MYO1E: variants seen among roughly 807,000 people sequenced by gnomAD.
The protein encoded by MYO1E is unconventional myosin-Ie.
MYO1E carries 68 observed loss-of-function variants against 151.1 expected under a neutral mutation model. The observed-to-expected ratio is 0.45, with a 90% CI of 0.37 to 0.55. The LOEUF (loss-of-function observed/expected upper bound fraction) is 0.55. Among genes scored for constraint, MYO1E ranks in the 20% least tolerant of loss-of-function variants. MYO1E has a pLI of 0.00. For missense variants in MYO1E, 1,363 were observed against 1,389.3 expected (o/e 0.98, Z 0.30); for synonymous variants, 601 against 501.7 (o/e 1.20, Z -2.64).
At chr15:59,299,487 T>C (rs1428279213) in intron 1 of MYO1E, among the ~76,000 whole-genome samples, 2 of 152,226 alleles carry the variant, frequency 1.3e-5, no homozygotes, top group Admixed American at 6.5e-5. Flanking sequence ...TGTTAGGCCT[T>C]GGGGATAGGA....
At chr15:59,263,603 G>A (rs2080236720) in intron 2 of MYO1E, among the ~76,000 whole-genome samples, 2 of 152,156 alleles carry the variant, frequency 1.3e-5, no homozygotes, top group Non-Finnish European at 1.5e-5. Context: ...AGGTAAGCAT[G>A]CAGAATGACA....
At chr15:59,228,653 T>G (rs2080006720) in intron 6 of MYO1E, among the ~76,000 whole-genome samples, 2 of 150,140 alleles carry the variant, frequency 1.3e-5, no homozygotes, top group Non-Finnish European at 3.0e-5. Flanking sequence ...AAAGAGGGAG[T>G]GGTGTGGTCT....
chr15:59,203,526 C>T (rs1466268870), intron 15 of MYO1E, among the ~76,000 whole-genome samples: 5 of 152,016 alleles, frequency 3.3e-5, no homozygotes, highest in South Asian at 2.1e-4. Context: ...ACTACAAGTG[C>T]GTGCCACCAC....
rs781255844 is a variant in MYO1E at position 59,188,236 on chromosome 15, G to A, written c.1806-20C>T. 1.9e-6 allele frequency: 3 copies of A among 1,586,862 alleles called. No individual in the cohort carries two copies. The highest frequency in any genetic ancestry group is 1.3e-5 in the African/African-American group (1 of 74,310). On this transcript the variant is annotated intron_variant, in intron 17 of 27. Coordinates refer to ENST00000288235, the MANE Select transcript of MYO1E (RefSeq NM_004998.4). The stretch of plus-strand genomic sequence containing the variant: ...TTTACCCTGTGCAAAGGAGAAAATG[G>A]GGCCTGGACATTACTGGATAATCCT...
rs370001612 is a variant in MYO1E, at chr15:59,261,775, G to C, written c.148-266C>G. Among the ~76,000 whole-genome samples, 11 of 152,112 alleles carry C rather than the reference G, an allele frequency of 7.2e-5. No homozygotes were observed. The East Asian group carries it at 1.3e-3, about 19-fold the overall frequency. Reference sequence around the variant, plus strand: ...AACTAAAGCACATTCTTTCAAGATGGGTGACACGTACAGCAAGGAGAAAAG... The same window carrying C: ...AACTAAAGCACATTCTTTCAAGATGCGTGACACGTACAGCAAGGAGAAAAG... On this transcript the variant is annotated intron_variant, in intron 2 of 27. Transcript: ENST00000288235.
rs1432226145 is a variant in MYO1E, at chr15:59,227,596, A to G, written c.511-6T>C. On this transcript the variant is annotated splice_polypyrimidine_tract_variant and splice_region_variant and intron_variant, in intron 6 of 27. Transcript: ENST00000288235. ...TGGATTTCAAAGTATTTTCCCTGCA[A>G]GAAAGTTAGGGATTTCCTTCAATGG... 8.1e-6 allele frequency: 13 copies of G among 1,614,034 alleles called. No individual in the cohort carries two copies. Among genetic ancestry groups the G allele is most frequent in the African/African-American group, 1.3e-5 (1 of 74,938 alleles).
chr15:59,225,121 C>T (rs2079981611), intron 7 of MYO1E, among the ~76,000 whole-genome samples: 1 of 152,200 alleles, frequency 6.6e-6, no homozygotes, highest in Admixed American at 6.5e-5. Context: ...TAGTTCCTGC[C>T]CAACTTGCTA....
intron 4 of MYO1E, among the ~76,000 whole-genome samples, chr15:59,239,829 C>A (rs1167834779): frequency 6.6e-6 from 1 of 152,098 alleles, no homozygotes; most frequent in Non-Finnish European, 1.5e-5. Context: ...GTGAGTTGGT[C>A]AAAATATGGT....
chr15:59,298,705 C>T (rs977839972), intron 1 of MYO1E, among the ~76,000 whole-genome samples: 1 of 152,144 alleles, frequency 6.6e-6, no homozygotes, highest in Non-Finnish European at 1.5e-5. Flanking sequence ...CAGACCAGAT[C>T]GCTTAAATCC....
At chr15:59,330,891 C>T (rs2140422905) in intron 1 of MYO1E, among the ~76,000 whole-genome samples, 1 of 152,266 alleles carries the variant, frequency 6.6e-6, no homozygotes, top group South Asian at 2.1e-4. Context: ...GCCTCAGCCC[C>T]TGCAGGTAGC....
intron 5 of MYO1E, among the ~76,000 whole-genome samples, chr15:59,233,266 A>ATCCG (rs377436434): frequency 2.0e-5 from 3 of 152,132 alleles, no homozygotes; most frequent in Admixed American, 6.5e-5. Flanking sequence ...TCATCCATCC[A>ATCCG]TCCGTCCGTC....
chr15:59,236,490 C>T, intron 5 of MYO1E, 95 bp downstream of exon 5: 1 of 1,044,506 alleles, frequency 9.6e-7, no homozygotes, highest in South Asian at 1.3e-5. Flanking sequence ...GAACCAGTGT[C>T]TTTTCTGTGG....
chr15:59,193,363 T>C (rs2079745912), intron 17 of MYO1E, among the ~76,000 whole-genome samples: 1 of 152,206 alleles, frequency 6.6e-6, no homozygotes. Context: ...GTGCAGTGGC[T>C]CAATCATGGC....
intron 26 of MYO1E, among the ~76,000 whole-genome samples, chr15:59,151,010 G>GACACACAC (rs60541381): frequency 7.1e-5 from 10 of 141,186 alleles, no homozygotes; most frequent in Non-Finnish European, 1.1e-4. Flanking sequence ...AGAGGAGAGG[G>GACACACAC]ACACACACAC....
chr15:59,170,261 G>A (rs777161960), intron 22 of MYO1E, among the ~76,000 whole-genome samples: 1 of 152,202 alleles, frequency 6.6e-6, no homozygotes, highest in Non-Finnish European at 1.5e-5. Context: ...GGGTCTGAGG[G>A]ACTGAAGACA....
At chr15:59,293,972 G>A (rs1407869662) in intron 1 of MYO1E, among the ~76,000 whole-genome samples, 3 of 152,160 alleles carry the variant, frequency 2.0e-5, no homozygotes, top group East Asian at 1.9e-4. Context: ...AGCCTGAGAA[G>A]TCAAAGCTGC....
At chr15:59,165,761 T>C (rs946543413) in intron 22 of MYO1E, among the ~76,000 whole-genome samples, 4 of 152,238 alleles carry the variant, frequency 2.6e-5, no homozygotes, top group African/African-American at 9.6e-5. Context: ...CTAAGCCTCC[T>C]GGCACCCTAG....
intron 1 of MYO1E, among the ~76,000 whole-genome samples, chr15:59,278,589 C>A (rs1214604917): frequency 1.3e-5 from 2 of 152,174 alleles, no homozygotes; most frequent in Admixed American, 1.3e-4. Flanking sequence ...ATTGGGCTTG[C>A]ACTTTATTTC....
chr15:59,184,354 G>A (rs1218087385), intron 18 of MYO1E, among the ~76,000 whole-genome samples: 2 of 151,566 alleles, frequency 1.3e-5, no homozygotes, highest in Non-Finnish European at 2.9e-5. Flanking sequence ...CTGTGTATGT[G>A]TAACACATTT....
Sources: gnomAD v4.1 joint callset for allele counts (sites outside exome capture counted in the v4.1 genomes callset) on GRCh38, gnomAD v4.1.1 for gene constraint, MANE v1.5 for transcripts, NCBI Gene and HGNC (gene_info 2026-07-23, HGNC 2026-07-21) for gene names.